WWOX: variants seen among roughly 807,000 people sequenced by gnomAD.
WWOX encodes the protein WW domain-containing oxidoreductase.
In WWOX, 69 loss-of-function variants were observed where a neutral mutation model predicts 46.2. The observed-to-expected ratio is 1.49, with a 90% CI of 1.23 to 1.82. WWOX has a LOEUF of 1.82. Among genes scored for constraint, WWOX ranks in the 40% most tolerant of loss-of-function variants. The pLI, the probability that WWOX is intolerant of heterozygous loss-of-function variation, is 0.00. For synonymous variants in WWOX, 359 were observed against 202.6 expected, an observed-to-expected ratio of 1.77 and a Z score of -6.56; for missense variants, 919 against 542.6, an observed-to-expected ratio of 1.69 and a Z score of -6.89.
At chr16:79,086,130 G>T (rs186393606) in intron 8 of WWOX, among the ~76,000 whole-genome samples, 2 of 152,120 alleles carry the variant, frequency 1.3e-5, no homozygotes, top group African/African-American at 4.8e-5. Context: ...CAATATTGTG[G>T]CTGCTCTCAA....
At chr16:78,842,374 A>G (rs1356646497) in intron 8 of WWOX, among the ~76,000 whole-genome samples, 2 of 151,574 alleles carry the variant, frequency 1.3e-5, no homozygotes, top group African/African-American at 2.4e-5. Flanking sequence ...TTGGTGGTGC[A>G]CACCTGTAGG....
At chr16:78,798,892 G>T in intron 8 of WWOX, among the ~76,000 whole-genome samples, 1 of 152,062 alleles carries the variant, frequency 6.6e-6, no homozygotes. Flanking sequence ...TTCTCCCCAG[G>T]GGAATTAAAG....
rs1409867653 is a variant in WWOX at position 78,625,091 on chromosome 16, C to T, written c.1056+192339C>T. On this transcript the variant is annotated intron_variant, in intron 8 of 8. Transcript: ENST00000566780. ...TTTGTAGCCGCCACACATGGCAGGTCCCAAGCTGTCTGAAGTCTTGGCTGC... is the reference window on the plus strand; with the variant it reads ...TTTGTAGCCGCCACACATGGCAGGTTCCAAGCTGTCTGAAGTCTTGGCTGC... Among the ~76,000 whole-genome samples the T allele has an allele frequency of 2.6e-5, 4 of 152,198 alleles. No homozygotes were observed. The East Asian group carries it at 7.7e-4, about 29-fold the overall frequency.
chr16:78,563,465 C>A (rs1160216365), intron 8 of WWOX, among the ~76,000 whole-genome samples: 1 of 147,144 alleles, frequency 6.8e-6, no homozygotes, highest in South Asian at 2.2e-4. Context: ...AGTATGTGTT[C>A]AGGATACGGG....
chr16:79,082,024 A>G (rs867733549), intron 8 of WWOX, among the ~76,000 whole-genome samples: 1 of 152,164 alleles, frequency 6.6e-6, no homozygotes, highest in African/African-American at 2.4e-5. Flanking sequence ...TAAGCACAGG[A>G]GTGTGGTTTA....
chr16:78,352,922 C>G (rs2081213268), intron 5 of WWOX, among the ~76,000 whole-genome samples: 1 of 152,142 alleles, frequency 6.6e-6, no homozygotes, highest in Admixed American at 6.5e-5. Flanking sequence ...AATCATAGCA[C>G]TAGCTTATAG....
At chr16:79,123,293 G>A (rs535630638) in intron 8 of WWOX, among the ~76,000 whole-genome samples, 26 of 152,018 alleles carry the variant, frequency 1.7e-4, no homozygotes, top group Non-Finnish European at 2.2e-4. Context: ...AAGTTTAGAC[G>A]CCCTCCTAGG....
intron 8 of WWOX, among the ~76,000 whole-genome samples, chr16:79,165,267 C>T (rs543741368): frequency 2.6e-5 from 4 of 152,222 alleles, no homozygotes; most frequent in South Asian, 4.1e-4. Context: ...ATGACCTTGC[C>T]ATTGCGGAGG....
chr16:78,619,725 T>C (rs1475539044), intron 8 of WWOX, among the ~76,000 whole-genome samples: 1 of 151,734 alleles, frequency 6.6e-6, no homozygotes, highest in African/African-American at 2.4e-5. Context: ...GGCAACATCA[T>C]GAGACCCCAT....
chr16:78,611,740 T>G (rs77550411), intron 8 of WWOX, among the ~76,000 whole-genome samples: 1 of 152,242 alleles, frequency 6.6e-6, no homozygotes, highest in Non-Finnish European at 1.5e-5. Context: ...TGCATGTCGC[T>G]GATGGTTGGC....
At chr16:78,668,987 C>G (rs1401226659) in intron 8 of WWOX, among the ~76,000 whole-genome samples, 1 of 152,174 alleles carries the variant, frequency 6.6e-6, no homozygotes, top group Non-Finnish European at 1.5e-5. Flanking sequence ...GTTAGAAGAG[C>G]TAAAAGAGTA....
chr16:78,594,551 G>T (rs1454273931), intron 8 of WWOX, among the ~76,000 whole-genome samples: 1 of 149,638 alleles, frequency 6.7e-6, no homozygotes, highest in South Asian at 2.1e-4. Context: ...CAATCACCTG[G>T]CTCAAACTCA....
chr16:78,549,144 A>C (rs1186123082), intron 8 of WWOX, among the ~76,000 whole-genome samples: 1 of 152,218 alleles, frequency 6.6e-6, no homozygotes, highest in East Asian at 1.9e-4. Flanking sequence ...GGTGTACTAC[A>C]TCCGTAATTG....
At chr16:79,057,224 T>A (rs2048279559) in intron 8 of WWOX, among the ~76,000 whole-genome samples, 1 of 152,150 alleles carries the variant, frequency 6.6e-6, no homozygotes, top group African/African-American at 2.4e-5. Context: ...TGCCTGGACC[T>A]CTTTTAGGAT....
intron 8 of WWOX, among the ~76,000 whole-genome samples, chr16:78,969,270 T>TC (rs377655454): frequency 2.2e-3 from 134 of 60,248 alleles, no homozygotes; most frequent in Middle Eastern, 9.8e-3. Flanking sequence ...TCTCTCTCTC[T>TC]TTTTTTTTTT....
intron 8 of WWOX, among the ~76,000 whole-genome samples, chr16:78,445,779 G>GA (rs1407009159): frequency 6.6e-6 from 1 of 151,440 alleles, no homozygotes; most frequent in Non-Finnish European, 1.5e-5. Flanking sequence ...TCTAGAGGCT[G>GA]AAGCATGAGA....
chr16:78,277,713 CGGTTTGGCTT>C (rs2151851899), intron 5 of WWOX, among the ~76,000 whole-genome samples: 1 of 152,098 alleles, frequency 6.6e-6, no homozygotes, highest in East Asian at 1.9e-4. Flanking sequence ...CATGTTTGCA[CGGTTTGGCTT>C]GGCTTGGGAC....
In WWOX at chr16:79,093,006, A is replaced by G. The variant is rs183854346; in HGVS notation, c.1057-118602A>G. Among the ~76,000 whole-genome samples the G allele has an allele frequency of 1.7e-3, 256 of 152,316 alleles. 1 individual carries two copies. The highest frequency in any genetic ancestry group is 6.0e-3 in the African/African-American group (248 of 41,574). On this transcript the variant is annotated intron_variant, in intron 8 of 8. Transcript: ENST00000566780. ...ATCGCGGTTTTCACCATTATATTCA[A>G]TAGCAAAAACCGCAATTACTTTTGC...
chr16:78,573,298 C>G (rs917861558), intron 8 of WWOX, among the ~76,000 whole-genome samples: 2 of 152,078 alleles, frequency 1.3e-5, no homozygotes, highest in African/African-American at 2.4e-5. Context: ...AACAAACAAA[C>G]AAAACAAAAC....
Sources: allele counts gnomAD v4.1 joint callset (sites outside exome capture counted in the v4.1 genomes callset), GRCh38; gene constraint gnomAD v4.1.1; transcripts MANE v1.5; gene names NCBI Gene and HGNC (gene_info 2026-07-23, HGNC 2026-07-21).